Variants in IL16 observed in about 807,000 individuals in gnomAD.
The protein encoded by IL16 is interleukin 16.
In IL16, 67 loss-of-function variants were observed where a neutral mutation model predicts 110.1. That is an observed-to-expected ratio of 0.61 (90% CI 0.50 to 0.75). The LOEUF (loss-of-function observed/expected upper bound fraction) is 0.75. Among genes scored for constraint, IL16 ranks in the 30% least tolerant of loss-of-function variants. The pLI, the probability that IL16 is intolerant of heterozygous loss-of-function variation, is 0.00. For synonymous variants in IL16, 689 were observed against 662.9 expected (o/e 1.04, Z -0.61); for missense variants, 1,545 against 1,655.0 (o/e 0.93, Z 1.15).
rs752638406 is a variant in IL16 at position 81,292,699 on chromosome 15, G to C, written c.1564G>C (p.Gly522Arg). ...CAGCAGCTACATGTCTGGGTCCCCA[G>C]GGGGAAGTCCTGGGAGTGGCAGTGC... ...SDSSYMSGSP[G>R]GSPGSGSAEK... Residue 522 changes from glycine to arginine, a missense_variant, in exon 12 of 19, where the codon GGG becomes CGG. Physicochemically the swap from Gly to Arg is moderately radical, Grantham distance 125. This residue lies in a region of IL16 where 1,185 missense variants were observed against 1,238.8 expected (regional missense o/e 0.96). Transcript: ENST00000683961. 8.7e-6 allele frequency: 14 copies of C among 1,614,022 alleles called. No individual in the cohort carries two copies. The highest frequency in any genetic ancestry group is 6.7e-5 in the African/African-American group (5 of 74,934).
intron 1 of IL16, among the ~76,000 whole-genome samples, chr15:81,222,826 G>A (rs1386096037): frequency 1.3e-5 from 2 of 151,818 alleles, no homozygotes; most frequent in African/African-American, 4.8e-5. Context: ...AACTCCTAAG[G>A]AAGTGATCAA....
chr15:81,294,684 C>G (rs914298454), intron 12 of IL16, among the ~76,000 whole-genome samples: 1 of 152,156 alleles, frequency 6.6e-6, no homozygotes, highest in Admixed American at 6.5e-5. Context: ...CTGGTCTGTC[C>G]CACGTGGCCA....
chr15:81,279,294 T>A (rs1311270342), intron 7 of IL16, among the ~76,000 whole-genome samples: 1 of 152,172 alleles, frequency 6.6e-6, no homozygotes, highest in Non-Finnish European at 1.5e-5. Context: ...CATCCATCTA[T>A]CTATCCATCC....
intron 2 of IL16, among the ~76,000 whole-genome samples, chr15:81,244,043 A>C (rs1216328985): frequency 6.6e-6 from 1 of 152,190 alleles, no homozygotes; most frequent in East Asian, 1.9e-4. Context: ...GCTTTACATT[A>C]TATAGACATA....
chr15:81,234,909 T>G (rs1208961007), intron 2 of IL16, among the ~76,000 whole-genome samples: 2 of 152,252 alleles, frequency 1.3e-5, no homozygotes, highest in Non-Finnish European at 2.9e-5. Flanking sequence ...ACTGATTTCT[T>G]GGACTCCTCA....
intron 1 of IL16, among the ~76,000 whole-genome samples, chr15:81,185,404 A>G (rs961372213): frequency 2.8e-5 from 4 of 144,192 alleles, no homozygotes; most frequent in African/African-American, 1.1e-4. Flanking sequence ...CGCCCAGGCT[A>G]GAGTGCAGTG....
chr15:81,306,513 AC>A lies in IL16; in HGVS notation c.3774del (p.Asp1258GlufsTer89). On this transcript the variant is annotated frameshift_variant, in exon 18 of 19. Transcript: ENST00000683961. LOFTEE classifies it low-confidence loss of function (END_TRUNC). Reference protein sequence around the residue: ...LEGGKGSLHGDKPLTINRIFK... With the variant: ...LEGGKGSLHGXKPLTINRIFK... ...GGAGGGAAGGGCTCCCTACACGGAG[AC>A]AAGCCTCTCACCATTAACAGGATTT... The A allele has an allele frequency of 6.2e-7, 1 of 1,613,776 alleles. No homozygotes were observed. The highest frequency in any genetic ancestry group is 8.5e-7 in the Non-Finnish European group (1 of 1,180,030).
chr15:81,193,962 A>G (rs1895539847), upstream of IL16, among the ~76,000 whole-genome samples: 3 of 152,220 alleles, frequency 2.0e-5, no homozygotes, highest in South Asian at 2.1e-4. Context: ...AAATTGTTAA[A>G]TTATATTCTG....
At chr15:81,187,593 C>T (rs1456009508) in intron 1 of IL16, among the ~76,000 whole-genome samples, 2 of 152,122 alleles carry the variant, frequency 1.3e-5, no homozygotes, top group Admixed American at 6.5e-5. Flanking sequence ...ACTTTGTTCA[C>T]CCCCACCCAA....
At chr15:81,197,827 G>C (rs962304013) in intron 1 of IL16, among the ~76,000 whole-genome samples, 35 of 152,124 alleles carry the variant, frequency 2.3e-4, no homozygotes, top group Admixed American at 2.1e-3. Flanking sequence ...ATACAGGGAA[G>C]CATCTTCTCC....
chr15:81,216,258 C>A (rs1275233951), intron 1 of IL16, among the ~76,000 whole-genome samples: 1 of 152,210 alleles, frequency 6.6e-6, no homozygotes, highest in East Asian at 1.9e-4. Flanking sequence ...GGAGATCCCC[C>A]TCCAGCTCCC....
At chr15:81,201,142 T>C (rs1422022665) in intron 1 of IL16, among the ~76,000 whole-genome samples, 3 of 150,736 alleles carry the variant, frequency 2.0e-5, no homozygotes, top group South Asian at 4.1e-4. Context: ...AAATAAAAAG[T>C]GTGTGTGTGT....
intron 15 of IL16, 37 bp downstream of exon 15, chr15:81,301,549 G>A (rs756101001): frequency 6.3e-7 from 1 of 1,582,084 alleles, no homozygotes; most frequent in East Asian, 2.2e-5. Context: ...GTAACCAATG[G>A]CTTATTATGG....
chr15:81,278,030 CTATT>C (rs72239238), intron 6 of IL16, among the ~76,000 whole-genome samples: 44,602 of 149,072 alleles, frequency 0.3, 6,830 homozygotes, highest in Middle Eastern at 0.36. Context: ...GATCCAAGTC[CTATT>C]TATTTATTTA....
intron 1 of IL16, among the ~76,000 whole-genome samples, chr15:81,216,271 G>A (rs931423119): frequency 3.9e-5 from 6 of 152,194 alleles, no homozygotes; most frequent in Non-Finnish European, 4.4e-5. Context: ...CAGCTCCCAC[G>A]TCCTTGTGTG....
At chr15:81,253,210 T>A (rs1191103933) in intron 2 of IL16, among the ~76,000 whole-genome samples, 1 of 152,232 alleles carries the variant, frequency 6.6e-6, no homozygotes, top group Non-Finnish European at 1.5e-5. Context: ...GATTTGCATT[T>A]CCTTGATGGC....
intron 2 of IL16, among the ~76,000 whole-genome samples, chr15:81,229,966 A>G (rs1896915854): frequency 6.6e-6 from 1 of 152,198 alleles, no homozygotes; most frequent in African/African-American, 2.4e-5. Flanking sequence ...TAAACAGCCA[A>G]CTTTTTTTTT....
At chr15:81,291,090 G>T (rs1899695677) in intron 11 of IL16, among the ~76,000 whole-genome samples, 1 of 152,214 alleles carries the variant, frequency 6.6e-6, no homozygotes, top group Non-Finnish European at 1.5e-5. Context: ...GCTCTGGAAT[G>T]GAGATCCAGC....
At chr15:81,270,260 A>G (rs1163178649) in intron 5 of IL16, among the ~76,000 whole-genome samples, 1 of 152,228 alleles carries the variant, frequency 6.6e-6, no homozygotes, top group African/African-American at 2.4e-5. Flanking sequence ...GGGGGCGTAC[A>G]CAGGTTTGCA....
Sources: gnomAD v4.1 joint callset for allele counts (sites outside exome capture counted in the v4.1 genomes callset) on GRCh38, gnomAD v4.1.1 for gene constraint, gnomAD v4.1.1 regional missense constraint, MANE v1.5 for transcripts, NCBI Gene and HGNC (gene_info 2026-07-23, HGNC 2026-07-21) for gene names.